CNTNAP2: variants seen among roughly 807,000 people sequenced by gnomAD.
CNTNAP2 encodes contactin associated protein 2, also known as contactin-associated protein-like 2.
In CNTNAP2, 98 loss-of-function variants were observed where a neutral mutation model predicts 155.2. That is an observed-to-expected ratio of 0.63 (90% CI 0.54 to 0.75). The LOEUF is 0.75. Ranked by LOEUF, CNTNAP2 falls within the 30% of genes least tolerant of loss-of-function variation. CNTNAP2 has a pLI of 0.00. For synonymous variants in CNTNAP2, 651 were observed against 631.2 expected, an observed-to-expected ratio of 1.03 and a Z score of -0.47; for missense variants, 1,727 against 1,688.1, an observed-to-expected ratio of 1.02 and a Z score of -0.40.
At chr7:147,514,124 A>C (rs1799071567) in intron 11 of CNTNAP2, among the ~76,000 whole-genome samples, 1 of 152,228 alleles carries the variant, frequency 6.6e-6, no homozygotes, top group Non-Finnish European at 1.5e-5. Flanking sequence ...AAAAATTAGA[A>C]AAAAATACAA....
At chr7:147,136,700 T>G (rs1321079313) in intron 8 of CNTNAP2, among the ~76,000 whole-genome samples, 1 of 151,996 alleles carries the variant, frequency 6.6e-6, no homozygotes, top group Non-Finnish European at 1.5e-5. Context: ...AGCCAGCATA[T>G]TAATATTTCT....
At chr7:147,143,968 T>C (rs1801650387) in intron 8 of CNTNAP2, among the ~76,000 whole-genome samples, 1 of 152,228 alleles carries the variant, frequency 6.6e-6, no homozygotes, top group East Asian at 1.9e-4. Flanking sequence ...TGATTAAAAC[T>C]AATTTAGTTT....
intron 21 of CNTNAP2, among the ~76,000 whole-genome samples, chr7:148,316,076 G>GA (rs1279342721): frequency 1.3e-5 from 2 of 151,700 alleles, no homozygotes; most frequent in East Asian, 1.9e-4. Flanking sequence ...AAGATAGAGG[G>GA]AAAAAAAATA....
chr7:147,086,971 A>G (rs981106681), intron 4 of CNTNAP2, among the ~76,000 whole-genome samples: 5 of 152,236 alleles, frequency 3.3e-5, no homozygotes, highest in African/African-American at 1.2e-4. Flanking sequence ...GCTTGCCTCT[A>G]TTGTGCTTAG....
intron 3 of CNTNAP2, among the ~76,000 whole-genome samples, chr7:146,895,285 C>T (rs556941375): frequency 1.4e-4 from 21 of 145,688 alleles, no homozygotes; most frequent in African/African-American, 5.5e-4. Flanking sequence ...TCCTTCCTTC[C>T]TTCCTTCCCT....
chr7:146,193,386 T>C (rs553062238), intron 1 of CNTNAP2, among the ~76,000 whole-genome samples: 2 of 152,334 alleles, frequency 1.3e-5, no homozygotes, highest in African/African-American at 2.4e-5. Flanking sequence ...TGCAAGGGTT[T>C]CCATAAGGCC....
intron 20 of CNTNAP2, among the ~76,000 whole-genome samples, chr7:148,260,385 T>C (rs946398120): frequency 6.6e-6 from 1 of 152,126 alleles, no homozygotes; most frequent in Non-Finnish European, 1.5e-5. Flanking sequence ...CTATCTAATA[T>C]CTATTCAATA....
intron 1 of CNTNAP2, among the ~76,000 whole-genome samples, chr7:146,580,323 A>C (rs1258989596): frequency 2.0e-5 from 3 of 152,098 alleles, no homozygotes; most frequent in Non-Finnish European, 4.4e-5. Context: ...TGATAATTTA[A>C]AGTTTTTGTT....
chr7:147,306,813 C>T (rs965745348), intron 9 of CNTNAP2, among the ~76,000 whole-genome samples: 5 of 152,076 alleles, frequency 3.3e-5, no homozygotes, highest in African/African-American at 1.2e-4. Flanking sequence ...TGTAACTTGA[C>T]CTTGATATGC....
At chr7:148,001,229 C>G (rs1801890925) in intron 15 of CNTNAP2, among the ~76,000 whole-genome samples, 1 of 152,200 alleles carries the variant, frequency 6.6e-6, no homozygotes, top group African/African-American at 2.4e-5. Flanking sequence ...CTACCTAGTT[C>G]AAAAGAGAAC....
At chr7:147,387,144 T>C (rs1405833640) in intron 9 of CNTNAP2, among the ~76,000 whole-genome samples, 1 of 152,132 alleles carries the variant, frequency 6.6e-6, no homozygotes, top group East Asian at 1.9e-4. Context: ...ACATGGAAAT[T>C]GTGGGAGTTA....
intron 13 of CNTNAP2, among the ~76,000 whole-genome samples, chr7:147,706,245 G>C (rs1160133792): frequency 6.7e-6 from 1 of 148,930 alleles, no homozygotes; most frequent in Non-Finnish European, 1.5e-5. Flanking sequence ...CTTTCATGTG[G>C]TTTTTATGAT....
At chr7:148,276,576 A>G (rs1035797082) in intron 21 of CNTNAP2, among the ~76,000 whole-genome samples, 2 of 152,258 alleles carry the variant, frequency 1.3e-5, no homozygotes, top group Non-Finnish European at 2.9e-5. Flanking sequence ...AGCGAATCGC[A>G]GTCAGTGGTT....
intron 23 of CNTNAP2, among the ~76,000 whole-genome samples, chr7:148,414,409 C>T (rs1799929979): frequency 8.3e-6 from 1 of 120,478 alleles, no homozygotes. Flanking sequence ...CTACAAGTTC[C>T]ACGTTGTCTC....
At chr7:146,443,596 A>G (rs1339138647) in intron 1 of CNTNAP2, among the ~76,000 whole-genome samples, 1 of 152,246 alleles carries the variant, frequency 6.6e-6, no homozygotes, top group Non-Finnish European at 1.5e-5. Flanking sequence ...TTATAACATT[A>G]GTGACCACAG....
chr7:147,444,643 G>C (rs1467327440), intron 10 of CNTNAP2, among the ~76,000 whole-genome samples: 2 of 150,772 alleles, frequency 1.3e-5, no homozygotes, highest in Non-Finnish European at 2.9e-5. Flanking sequence ...GGGTTGCTCT[G>C]CATAGATTAT....
At chr7:147,400,207 A>T (rs1160132237) in intron 10 of CNTNAP2, among the ~76,000 whole-genome samples, 2 of 152,138 alleles carry the variant, frequency 1.3e-5, no homozygotes, top group Non-Finnish European at 2.9e-5. Context: ...TCAAGAGAGA[A>T]TCACAAGGAG....
At chr7:146,343,488 G>A (rs1215980525) in intron 1 of CNTNAP2, among the ~76,000 whole-genome samples, 4 of 152,042 alleles carry the variant, frequency 2.6e-5, no homozygotes, top group South Asian at 2.1e-4. Flanking sequence ...ACACTCATGC[G>A]TTAGAATCAT....
intron 13 of CNTNAP2, among the ~76,000 whole-genome samples, chr7:147,831,408 CAT>C (rs1287162283): frequency 2.0e-5 from 3 of 152,124 alleles, no homozygotes; most frequent in African/African-American, 4.8e-5. Context: ...TTTTGTGACA[CAT>C]GATTTTTTTC....
Sources: allele counts gnomAD v4.1 joint callset (sites outside exome capture counted in the v4.1 genomes callset), GRCh38; gene constraint gnomAD v4.1.1; transcripts MANE v1.5; gene names NCBI Gene and HGNC (gene_info 2026-07-23, HGNC 2026-07-21).